The following PDE11A variants were observed in gnomAD, a reference collection of about 807,000 sequenced individuals.
The protein encoded by PDE11A is phosphodiesterase 11A.
Under a neutral mutation model 100.5 loss-of-function variants are expected in PDE11A, and 100 were observed. The observed-to-expected ratio is 1.00, with a 90% CI of 0.85 to 1.18. PDE11A has a LOEUF of 1.18. Ranked by LOEUF, PDE11A falls within the 50% of genes most tolerant of loss-of-function variation. The probability of loss-of-function intolerance (pLI) is 0.00; values close to 1 mark genes in which losing one functional copy is unlikely to be tolerated. For synonymous variants in PDE11A, 381 were observed against 420.8 expected, an observed-to-expected ratio of 0.91 and a Z score of 1.16; for missense variants, 1,141 against 1,152.6, an observed-to-expected ratio of 0.99 and a Z score of 0.15.
At chr2:177,794,898 G>T (rs989887215) in intron 9 of PDE11A, among the ~76,000 whole-genome samples, 1 of 152,066 alleles carries the variant, frequency 6.6e-6, no homozygotes, top group African/African-American at 2.4e-5. Context: ...CTATTCTCCT[G>T]CCTCAATCTC....
chr2:177,808,480 A>G (rs1320678180), intron 9 of PDE11A, among the ~76,000 whole-genome samples: 1 of 152,220 alleles, frequency 6.6e-6, no homozygotes, highest in East Asian at 1.9e-4. Context: ...GGACTTGGAA[A>G]GAAAATGCCC....
Position 177,977,721 on chromosome 2 carries a change from G to A in PDE11A, c.1071+36581C>T, listed in dbSNP as rs528375166. 3.5e-4 allele frequency among the ~76,000 whole-genome samples: 50 copies of A among 144,400 alleles called. No individual in the cohort carries two copies. The East Asian group carries it at 6.9e-3, about 20-fold the overall frequency. 94.7% of individuals were successfully genotyped at this position (144,400 alleles called of 152,430 possible). On this transcript the variant is annotated intron_variant, in intron 2 of 19. Transcript: ENST00000286063. The stretch of plus-strand genomic sequence containing the variant: ...AGGCTACAGTAACCAAAACAGCATG[G>A]TACTGGTACCAAAACAGAGATATAG...
chr2:178,076,360 G>A (rs1301042434), upstream of PDE11A, among the ~76,000 whole-genome samples: 1 of 152,164 alleles, frequency 6.6e-6, no homozygotes, highest in Non-Finnish European at 1.5e-5. Context: ...TACTTTCAAT[G>A]TGCAAAACAT....
rs115162250 is a variant in PDE11A, at chr2:177,725,267, A to G, written c.2043+2391T>C. On this transcript the variant is annotated intron_variant, in intron 12 of 19. Coordinates refer to ENST00000286063, the MANE Select transcript of PDE11A (RefSeq NM_016953.4). ...TTATTTTCTTAATTAAAAAATTCTG[A>G]TTAACCAGATTGACCAGAGTCAAGC... Among the ~76,000 whole-genome samples the G allele has an allele frequency of 1.2e-3, 183 of 152,104 alleles. 4 individuals carry two copies. Among genetic ancestry groups the G allele is most frequent in the Non-Finnish European group, 1.6e-3 (106 of 67,966 alleles).
At chr2:177,923,407 T>C (rs1170690044) in intron 2 of PDE11A, among the ~76,000 whole-genome samples, 1 of 151,950 alleles carries the variant, frequency 6.6e-6, no homozygotes, top group Non-Finnish European at 1.5e-5. Flanking sequence ...AGAAAGTAAG[T>C]ACAGGGGTAG....
rs1480298503 is a variant in PDE11A, at chr2:177,668,325, CT to C, written c.2562+1167del. ...GAAACAGTTTTTAAAGGGGGAAAAG[CT>C]TTTATTTGAAAGTAGATATGACAGA... On this transcript the variant is annotated intron_variant, in intron 18 of 19. Transcript: ENST00000286063. Among the ~76,000 whole-genome samples, 8 of 152,062 alleles carry C rather than the reference CT, an allele frequency of 5.3e-5. No individual in the cohort carries two copies. The East Asian group carries it at 1.5e-3, about 29-fold the overall frequency.
upstream of PDE11A, among the ~76,000 whole-genome samples, chr2:178,073,947 T>G (rs2087171189): frequency 6.6e-6 from 1 of 152,054 alleles, no homozygotes; most frequent in South Asian, 2.1e-4. Flanking sequence ...TGTTAAACAT[T>G]TACGGATATG....
rs761999472 is a variant in PDE11A, at chr2:177,656,840, C to A, written c.2646+7026G>T. On this transcript the variant is annotated intron_variant, in intron 19 of 19. Transcript: ENST00000286063. ...GAGAGCGAGGAGGCATAGGCAGAGG[C>A]CAGGGAAGATGGACCAAAGGGCTAG... Among the ~76,000 whole-genome samples the A allele has an allele frequency of 2.1e-4, 32 of 152,246 alleles. No homozygotes were observed. In the Middle Eastern group the frequency reaches 0.01, roughly 49 times the overall value.
At chr2:177,640,413 A>G (rs2080123639) in intron 19 of PDE11A, among the ~76,000 whole-genome samples, 1 of 152,228 alleles carries the variant, frequency 6.6e-6, no homozygotes, top group African/African-American at 2.4e-5. Flanking sequence ...CTTCAGCAGG[A>G]GGGACAAGAG....
chr2:178,066,237 G>A (rs2087041861), intron 1 of PDE11A, among the ~76,000 whole-genome samples: 1 of 152,102 alleles, frequency 6.6e-6, no homozygotes, highest in Non-Finnish European at 1.5e-5. Flanking sequence ...CACATGAAGG[G>A]CTGAAGTAGA....
At chr2:177,776,920 G>C (rs1018326139) in intron 9 of PDE11A, among the ~76,000 whole-genome samples, 1 of 152,030 alleles carries the variant, frequency 6.6e-6, no homozygotes, top group Non-Finnish European at 1.5e-5. Flanking sequence ...AAGCATGGGG[G>C]GGCAGTTACC....
intron 2 of PDE11A, among the ~76,000 whole-genome samples, chr2:177,982,083 A>G (rs936700341): frequency 1.3e-5 from 2 of 151,036 alleles, no homozygotes; most frequent in African/African-American, 4.8e-5. Flanking sequence ...TCGTCTAACA[A>G]CTTCAATTGT....
chr2:177,734,058 T>C (rs1237396434), intron 10 of PDE11A, among the ~76,000 whole-genome samples: 1 of 152,224 alleles, frequency 6.6e-6, no homozygotes, highest in Non-Finnish European at 1.5e-5. Context: ...TTCTGTATTA[T>C]GCAAACTAAC....
chr2:178,080,608 T>C (rs954256809), intron 2 of PDE11A, among the ~76,000 whole-genome samples: 14 of 152,206 alleles, frequency 9.2e-5, no homozygotes, highest in African/African-American at 2.7e-4. Flanking sequence ...TTCTTCTTAA[T>C]TGCCATGCCT....
intron 9 of PDE11A, among the ~76,000 whole-genome samples, chr2:177,795,674 T>C (rs146581472): frequency 6.6e-6 from 1 of 152,154 alleles, no homozygotes; most frequent in African/African-American, 2.4e-5. Context: ...TTACCCTTTA[T>C]TGATATATGA....
chr2:178,066,379 G>A (rs779738559), intron 1 of PDE11A, among the ~76,000 whole-genome samples: 4 of 152,176 alleles, frequency 2.6e-5, no homozygotes, highest in African/African-American at 4.8e-5. Flanking sequence ...TATGCTGTGC[G>A]AGATTCTTAA....
intron 9 of PDE11A, among the ~76,000 whole-genome samples, chr2:177,798,236 A>G (rs910192662): frequency 6.6e-6 from 1 of 152,222 alleles, no homozygotes; most frequent in African/African-American, 2.4e-5. Context: ...GACTTTGAAC[A>G]AGATGCCCCC....
At chr2:178,105,204 G>A (rs2087603742) in intron 1 of PDE11A, among the ~76,000 whole-genome samples, 1 of 152,310 alleles carries the variant, frequency 6.6e-6, no homozygotes, top group South Asian at 2.1e-4. Context: ...GCTCATGTCT[G>A]TAATCCCAGC....
At chr2:177,977,737 A>T (rs545280017) in intron 2 of PDE11A, among the ~76,000 whole-genome samples, 5,416 of 134,214 alleles carry the variant, frequency 0.04, 436 homozygotes, top group African/African-American at 0.14. Context: ...GTACCAAAAC[A>T]GAGATATAGA....
Sources: gnomAD v4.1 joint callset for allele counts (sites outside exome capture counted in the v4.1 genomes callset) on GRCh38, gnomAD v4.1.1 for gene constraint, MANE v1.5 for transcripts, NCBI Gene and HGNC (gene_info 2026-07-23, HGNC 2026-07-21) for gene names.